Variants in TMEM209 observed in about 807,000 individuals in gnomAD.
TMEM209 encodes the protein testicular tissue protein Li 202.
A neutral mutation model predicts 76.2 loss-of-function variants in TMEM209; 65 were observed. The observed-to-expected ratio is 0.85, with a 90% confidence interval of 0.70 to 1.05. The LOEUF is 1.05. Ranked by LOEUF, TMEM209 falls within the 50% of genes least tolerant of loss-of-function variation. The pLI is 0.00. For missense variants in TMEM209, 623 were observed against 685.5 expected (o/e 0.91, Z 1.02); for synonymous variants, 239 against 237.6 (o/e 1.01, Z -0.06).
intron 6 of TMEM209, among the ~76,000 whole-genome samples, chr7:130,186,729 T>G (rs1018386133): frequency 6.6e-6 from 1 of 151,876 alleles, no homozygotes; most frequent in Non-Finnish European, 1.5e-5. Context: ...AAAGAAAAAA[T>G]GTACATAGCA....
At chr7:130,180,210 A>T (rs1797364120) in intron 9 of TMEM209, among the ~76,000 whole-genome samples, 1 of 152,174 alleles carries the variant, frequency 6.6e-6, no homozygotes, top group African/African-American at 2.4e-5. Flanking sequence ...TAGGTGATGG[A>T]AAATTACTAT....
intron 13 of TMEM209, among the ~76,000 whole-genome samples, chr7:130,172,057 G>A (rs765596672): frequency 2.0e-5 from 3 of 151,706 alleles, no homozygotes; most frequent in Non-Finnish European, 2.9e-5. Flanking sequence ...AAATCTGTAT[G>A]TGCTTGTAAT....
chr7:130,177,473 G>A (rs1797276303), intron 10 of TMEM209, among the ~76,000 whole-genome samples: 1 of 152,178 alleles, frequency 6.6e-6, no homozygotes. Context: ...GCTGAGGTGG[G>A]AGGACTGCTT....
chr7:130,175,248 A>T, intron 11 of TMEM209: 1 of 335,860 alleles, frequency 3.0e-6, no homozygotes, highest in Non-Finnish European at 5.4e-6. Context: ...GATCACTTGA[A>T]CCCAGGACTT....
At chr7:130,194,497 C>G (rs933612263) in intron 5 of TMEM209, among the ~76,000 whole-genome samples, 6 of 152,076 alleles carry the variant, frequency 3.9e-5, no homozygotes, top group African/African-American at 1.4e-4. Flanking sequence ...GTATAAACAT[C>G]TGTAACTTTG....
chr7:130,197,116 A>C (rs1798013075), intron 5 of TMEM209, among the ~76,000 whole-genome samples: 1 of 152,188 alleles, frequency 6.6e-6, no homozygotes, highest in Admixed American at 6.5e-5. Context: ...AAATTGATAC[A>C]TAAACTCTAC....
chr7:130,183,834 G>A (rs1295981815), intron 8 of TMEM209, among the ~76,000 whole-genome samples: 2 of 152,190 alleles, frequency 1.3e-5, no homozygotes, highest in African/African-American at 4.8e-5. Context: ...CTGAGGGCAA[G>A]GACCTCATTT....
At chr7:130,180,287 T>C (rs1368555764) in intron 9 of TMEM209, among the ~76,000 whole-genome samples, 2 of 152,070 alleles carry the variant, frequency 1.3e-5, no homozygotes, top group Non-Finnish European at 2.9e-5. Flanking sequence ...TGGGCTTATA[T>C]CTAGAATATA....
At chr7:130,191,790 T>C (rs1797805024) in intron 6 of TMEM209, among the ~76,000 whole-genome samples, 1 of 152,202 alleles carries the variant, frequency 6.6e-6, no homozygotes, top group Non-Finnish European at 1.5e-5. Context: ...CAAGGATACA[T>C]AGGTTCTTTG....
rs376857150 is a variant in TMEM209 at position 130,173,827 on chromosome 7, G to A, written c.1457C>T (p.Pro486Leu). 10 of 1,612,788 alleles carry A rather than the reference G, an allele frequency of 6.2e-6. No individual in the cohort carries two copies. Among genetic ancestry groups the A allele is most frequent in the African/African-American group, 1.3e-5 (1 of 74,910 alleles). Residue 486 changes from proline to leucine, a missense_variant and splice_region_variant, in exon 12 of 15, where the codon CCA becomes CTA. Transcript: ENST00000397622. ...SQHFVQTPNK[P>L]DVTNENVFCI... Reference sequence around the variant, plus strand: ...ATTCTTTTAGGAGAGGTTTATACCTGGTTTATTTGGTGTCTGAACAAAGTG... The same window carrying A: ...ATTCTTTTAGGAGAGGTTTATACCTAGTTTATTTGGTGTCTGAACAAAGTG...
At position 130,201,840 on chromosome 7, in the gene TMEM209, G is replaced by A. The variant is rs779899535; in HGVS notation, c.573+10C>T. On this transcript the variant is annotated intron_variant, in intron 5 of 14. Transcript: ENST00000397622. Reference sequence around the variant, plus strand: ...AATAATGTGACTAGACAAGAGAAGAGAGTCATTACCTTATTATAACCACTG... The same window carrying A: ...AATAATGTGACTAGACAAGAGAAGAAAGTCATTACCTTATTATAACCACTG... 1.9e-6 allele frequency: 3 copies of A among 1,613,772 alleles called. No individual in the cohort carries two copies. In the South Asian group the frequency reaches 3.3e-5, roughly 18 times the overall value.
chr7:130,199,576 A>C (rs950420254), intron 5 of TMEM209, among the ~76,000 whole-genome samples: 9 of 152,240 alleles, frequency 5.9e-5, no homozygotes, highest in Non-Finnish European at 1.3e-4. Flanking sequence ...TTTTAAAAAA[A>C]GAAAGATTAC....
At chr7:130,202,217 C>A in intron 4 of TMEM209, 126 bp from the exon 5 acceptor site, 1 of 1,264,020 alleles carries the variant, frequency 7.9e-7, no homozygotes, top group Non-Finnish European at 1.1e-6. Flanking sequence ...GTTGTTAAAT[C>A]ACAGAATGTA....
chr7:130,187,745 A>G (rs1797649985), intron 6 of TMEM209, among the ~76,000 whole-genome samples: 1 of 152,160 alleles, frequency 6.6e-6, no homozygotes, highest in African/African-American at 2.4e-5. Context: ...ATTACCTGTG[A>G]GGTCCAGGAA....
chr7:130,183,707 T>C (rs1006384530), intron 8 of TMEM209, among the ~76,000 whole-genome samples: 2 of 152,152 alleles, frequency 1.3e-5, no homozygotes, highest in Admixed American at 6.5e-5. Flanking sequence ...ACTCACTCTG[T>C]ATATGGAAAA....
intron 6 of TMEM209, among the ~76,000 whole-genome samples, chr7:130,187,055 C>T (rs1797623952): frequency 1.3e-5 from 2 of 152,072 alleles, no homozygotes; most frequent in Non-Finnish European, 2.9e-5. Context: ...CAAGCCTGGC[C>T]AACATGGTGA....
Position 130,192,614 on chromosome 7 carries a change from A to G in TMEM209, c.775+8T>C, listed in dbSNP as rs1348347949. 1.9e-6 allele frequency: 3 copies of G among 1,611,884 alleles called. No homozygotes were observed. Among genetic ancestry groups the G allele is most frequent in the African/African-American group, 1.3e-5 (1 of 74,876 alleles). On this transcript the variant is annotated splice_region_variant and intron_variant, in intron 6 of 14. Transcript: ENST00000397622. ...ATGTATAGTAGATATACAGAAATAT[A>G]TATGTACCCAGCTTAACCCTATGCT... is the stretch of plus-strand genomic sequence containing the variant.
intron 7 of TMEM209, among the ~76,000 whole-genome samples, chr7:130,184,827 T>C (rs767366582): frequency 2.0e-5 from 3 of 152,372 alleles, no homozygotes; most frequent in Non-Finnish European, 4.4e-5. Context: ...AAAAATTCCA[T>C]ATTTGGTATT....
In TMEM209 at chr7:130,204,107, G is replaced by A; in HGVS notation, c.7C>T (p.Gln3Ter). MM[Q>*]GEAHPSASLI... is the part of the protein sequence containing the mutation. ...GAAGCACTAGGGTGTGCCTCCCCCTGCATCTATGAAAAAACAAAAAGCACA... is the reference window on the plus strand; with the variant it reads ...GAAGCACTAGGGTGTGCCTCCCCCTACATCTATGAAAAAACAAAAAGCACA... The change falls in exon 2 of 15, where the codon CAG becomes TAG. Residue 3 changes from glutamine to a stop codon, truncating the protein, a stop_gained. Coordinates refer to ENST00000397622, the MANE Select transcript of TMEM209 (RefSeq NM_032842.4). LOFTEE classifies it high-confidence loss of function. 1 of 1,601,210 alleles carries A rather than the reference G, an allele frequency of 6.2e-7. No homozygotes were observed. Among genetic ancestry groups the A allele is most frequent in the Non-Finnish European group, 8.5e-7 (1 of 1,175,816 alleles).
Sources: allele counts gnomAD v4.1 joint callset (sites outside exome capture counted in the v4.1 genomes callset), GRCh38; gene constraint gnomAD v4.1.1; transcripts MANE v1.5; gene names NCBI Gene and HGNC (gene_info 2026-07-23, HGNC 2026-07-21).